The following PELI1 variants were observed in gnomAD, a reference collection of about 807,000 sequenced individuals.
The protein encoded by PELI1 is E3 ubiquitin-protein ligase pellino homolog 1.
A neutral mutation model predicts 41.3 loss-of-function variants in PELI1; 15 were observed. The observed-to-expected ratio is 0.36, with a 90% CI of 0.24 to 0.56. The LOEUF is 0.56. PELI1 is among the 20% of genes least tolerant of loss of function. PELI1 has a pLI of 0.82. For missense variants in PELI1, 403 were observed against 525.5 expected (o/e 0.77, Z 2.28); for synonymous variants, 178 against 180.1 (o/e 0.99, Z 0.09).
chr2:64,126,844 T>A (rs1347149325), intron 1 of PELI1, among the ~76,000 whole-genome samples: 1 of 151,246 alleles, frequency 6.6e-6, no homozygotes, highest in East Asian at 1.9e-4. Context: ...AACAATCGCA[T>A]AAAGATAAAA....
intron 1 of PELI1, among the ~76,000 whole-genome samples, chr2:64,121,465 T>C (rs766777296): frequency 1.3e-5 from 2 of 152,220 alleles, no homozygotes; most frequent in Non-Finnish European, 2.9e-5. Context: ...AACATCTTAA[T>C]GATTAAAAAC....
intron 4 of PELI1, among the ~76,000 whole-genome samples, chr2:64,097,904 T>C (rs1680298441): frequency 6.6e-6 from 1 of 152,194 alleles, no homozygotes; most frequent in Admixed American, 6.5e-5. Flanking sequence ...CTTTTCTTTA[T>C]TCTTAAAAAT....
intron 1 of PELI1, among the ~76,000 whole-genome samples, chr2:64,140,128 G>A (rs1004660644): frequency 3.3e-5 from 5 of 152,134 alleles, no homozygotes; most frequent in African/African-American, 4.8e-5. Context: ...GGGAAACCGC[G>A]GGTATTACAT....
At chr2:64,119,013 T>TG (rs5831679) in intron 1 of PELI1, among the ~76,000 whole-genome samples, 126,173 of 151,718 alleles carry the variant, frequency 0.83, 53,021 homozygotes, top group East Asian at 0.96. Context: ...TACTGTAGCT[T>TG]GATTGCAAAA....
At chr2:64,105,844 T>C (rs1270320053) in intron 2 of PELI1, among the ~76,000 whole-genome samples, 1 of 152,050 alleles carries the variant, frequency 6.6e-6, no homozygotes, top group Admixed American at 6.6e-5. Context: ...ATCTACCATA[T>C]GTAGTTGGTC....
rs144987065 is a variant in PELI1, at chr2:64,110,010, G to A, written c.-69-1631C>T. Among the ~76,000 whole-genome samples the A allele has an allele frequency of 8.9e-3, 1,348 of 152,144 alleles. 12 individuals are homozygous for A. Among genetic ancestry groups the A allele is most frequent in the Non-Finnish European group, 0.014 (968 of 67,964 alleles). On this transcript the variant is annotated intron_variant, in intron 1 of 6. Transcript: ENST00000358912. ...CTGTAATTCCAGCACTTTGGGAAGC[G>A]GAGGCGGGAAGATCACTTGATGTCA...
At chr2:64,109,214 T>G (rs1231558186) in intron 1 of PELI1, among the ~76,000 whole-genome samples, 1 of 152,128 alleles carries the variant, frequency 6.6e-6, no homozygotes, top group African/African-American at 2.4e-5. Flanking sequence ...ACCCTTGACT[T>G]CTATGTCCAC....
At position 64,139,688 on chromosome 2, in the gene PELI1, G is replaced by T. The variant is rs1404499353; in HGVS notation, c.-70+4393C>A. On this transcript the variant is annotated intron_variant, in intron 1 of 6. Coordinates refer to ENST00000358912, the MANE Select transcript of PELI1 (RefSeq NM_020651.4). ...CATGAAAGCAGAGATTTTAGTCTATGAGGTATCAGCATCTAGACCTGTGAC... is the reference window on the plus strand; with the variant it reads ...CATGAAAGCAGAGATTTTAGTCTATTAGGTATCAGCATCTAGACCTGTGAC... 5.9e-5 allele frequency among the ~76,000 whole-genome samples: 9 copies of T among 152,232 alleles called. No individual in the cohort carries two copies. In the South Asian group the frequency reaches 1.0e-3, roughly 17 times the overall value.
Position 64,140,787 on chromosome 2 carries a change from C to CAAAAAAAAAAAAA in PELI1, c.-70+3293_-70+3294insTTTTTTTTTTTTT, listed in dbSNP as rs377041268. 3.2e-3 allele frequency among the ~76,000 whole-genome samples: 148 copies of CAAAAAAAAAAAAA among 46,282 alleles called. 43 individuals carry two copies. The highest frequency in any genetic ancestry group is 8.0e-3 in the African/African-American group (68 of 8,532). 30.4% of individuals were successfully genotyped at this position (46,282 alleles called of 152,430 possible). A position where few individuals can be genotyped will look rare whatever the true frequency, so the allele number is the denominator to read the frequency against. The stretch of plus-strand genomic sequence containing the variant: ...GAAGTGATCTACTCAAGACAACATG[C>CAAAAAAAAAAAAA]AAAAAAAAAAAACAAACAAACAAAA... On this transcript the variant is annotated intron_variant, in intron 1 of 6. Transcript: ENST00000358912.
At chr2:64,108,539 C>G (rs1426635811) in intron 1 of PELI1, among the ~76,000 whole-genome samples, 160 bp from the exon 2 acceptor site, 1 of 152,164 alleles carries the variant, frequency 6.6e-6, no homozygotes, top group Non-Finnish European at 1.5e-5. Flanking sequence ...ATATATTTTA[C>G]AAAACTGTTT....
intron 1 of PELI1, among the ~76,000 whole-genome samples, chr2:64,141,982 A>G (rs528437765): frequency 6.6e-6 from 1 of 152,242 alleles, no homozygotes; most frequent in Admixed American, 6.5e-5. Context: ...AACTGTAAGA[A>G]CATTTAAATG....
intron 1 of PELI1, among the ~76,000 whole-genome samples, chr2:64,117,367 T>G (rs1302444494): frequency 6.6e-6 from 1 of 152,066 alleles, no homozygotes; most frequent in Non-Finnish European, 1.5e-5. Context: ...TTACCACTCT[T>G]AATATATAAT....
chr2:64,137,926 T>C (rs1681771341), intron 1 of PELI1, among the ~76,000 whole-genome samples: 1 of 152,172 alleles, frequency 6.6e-6, no homozygotes, highest in Non-Finnish European at 1.5e-5. Context: ...GTGTATAGCT[T>C]CCATGGTGAC....
intron 3 of PELI1, among the ~76,000 whole-genome samples, chr2:64,101,539 T>C (rs998324139): frequency 6.6e-6 from 1 of 152,034 alleles, no homozygotes; most frequent in Non-Finnish European, 1.5e-5. Flanking sequence ...ACAAAGGAAG[T>C]AGAAATGGGC....
chr2:64,113,213 G>A (rs144879184), intron 1 of PELI1, among the ~76,000 whole-genome samples: 218 of 151,680 alleles, frequency 1.4e-3, no homozygotes, highest in Non-Finnish European at 2.2e-3. Context: ...GAGGTGGGAG[G>A]ATCACTTGTG....
chr2:64,108,469 T>C, intron 1 of PELI1, 90 bp from the exon 2 acceptor site: 1 of 599,718 alleles, frequency 1.7e-6, no homozygotes, highest in Non-Finnish European at 3.0e-6. Context: ...TTGAACACAA[T>C]ATTATGCAAA....
chr2:64,118,376 C>T (rs1681073551), intron 1 of PELI1, among the ~76,000 whole-genome samples: 1 of 152,144 alleles, frequency 6.6e-6, no homozygotes, highest in African/African-American at 2.4e-5. Flanking sequence ...ATGAATACTG[C>T]CTTCTCACAA....
chr2:64,095,547 TG>T (rs1035099676), intron 6 of PELI1, among the ~76,000 whole-genome samples: 1 of 152,214 alleles, frequency 6.6e-6, no homozygotes, highest in African/African-American at 2.4e-5. Flanking sequence ...GAGGTAAATA[TG>T]GTTTAAGATA....
chr2:64,109,010 T>C (rs1268080887), intron 1 of PELI1, among the ~76,000 whole-genome samples: 2 of 152,186 alleles, frequency 1.3e-5, no homozygotes, highest in Non-Finnish European at 2.9e-5. Flanking sequence ...TTCCAGCTCA[T>C]AAACCATAGT....
Sources: gnomAD v4.1 joint callset for allele counts (sites outside exome capture counted in the v4.1 genomes callset) on GRCh38, gnomAD v4.1.1 for gene constraint, MANE v1.5 for transcripts, NCBI Gene and HGNC (gene_info 2026-07-23, HGNC 2026-07-21) for gene names.